MYEF2: variants seen among roughly 807,000 people sequenced by gnomAD.
MYEF2 encodes myelin expression factor 2.
In MYEF2, 37 loss-of-function variants were observed where a neutral mutation model predicts 75.2. The observed-to-expected ratio is 0.49, with a 90% CI of 0.38 to 0.65. MYEF2 has a LOEUF of 0.65. MYEF2 is among the 30% of genes least tolerant of loss of function. MYEF2 has a pLI of 0.00. For synonymous variants in MYEF2, 195 were observed against 241.6 expected, an observed-to-expected ratio of 0.81 and a Z score of 1.79; for missense variants, 634 against 771.4, an observed-to-expected ratio of 0.82 and a Z score of 2.11.
At chr15:48,153,165 T>C (rs1178833459) in intron 10 of MYEF2, 2 of 152,160 alleles carry the variant, frequency 1.3e-5, no homozygotes, top group African/African-American at 2.4e-5. Context: ...CTTTTTTGCA[T>C]TGAAAAATAG....
chr15:48,136,766 T>C lies in MYEF2; in HGVS notation c.*6142A>G, dbSNP rs574775672. The C allele has an allele frequency of 5.6e-6, 9 of 1,613,568 alleles. 1 individual carries two copies. The South Asian group carries it at 8.8e-5, about 16-fold the overall frequency. On this transcript the variant is annotated 3_prime_UTR_variant, in exon 17 of 17. Transcript: ENST00000324324. ...GACATTAAAATTAACCAATATATTATAAAGAAATGCAGTCCTTGCTGCGCC... is the reference window on the plus strand; with the variant it reads ...GACATTAAAATTAACCAATATATTACAAAGAAATGCAGTCCTTGCTGCGCC...
intron 14 of MYEF2, among the ~76,000 whole-genome samples, 191 bp downstream of exon 14, chr15:48,150,905 TCAAA>T (rs1316456668): frequency 6.6e-6 from 1 of 151,954 alleles, no homozygotes; most frequent in African/African-American, 2.4e-5. Flanking sequence ...AAAGTAAAAT[TCAAA>T]CAGTTAATTT....
chr15:48,151,037 C>T, intron 14 of MYEF2, 63 bp downstream of exon 14: 1 of 1,156,220 alleles, frequency 8.6e-7, no homozygotes, highest in East Asian at 2.4e-5. Context: ...GATAACTACT[C>T]TTGCAAAGTC....
At chr15:48,172,335 G>A (rs1006545211) in intron 1 of MYEF2, among the ~76,000 whole-genome samples, 1 of 151,332 alleles carries the variant, frequency 6.6e-6, no homozygotes, top group South Asian at 2.1e-4. Context: ...AGGAGGCAGA[G>A]GTTGCAGTGA....
Position 48,136,832 on chromosome 15 carries a change from T to C in MYEF2, c.*6076A>G. 1.2e-6 allele frequency: 2 copies of C among 1,613,860 alleles called. No individual in the cohort carries two copies. Among genetic ancestry groups the C allele is most frequent in the Non-Finnish European group, 1.7e-6 (2 of 1,179,824 alleles). ...ATGGAGAGAAGTGAACAACAGCCAC[T>C]GATGGGCTGGGAAGATGAAGGTCAA... On this transcript the variant is annotated 3_prime_UTR_variant, in exon 17 of 17. Transcript: ENST00000324324.
At position 48,163,261 on chromosome 15, in the gene MYEF2, T is replaced by C. The variant is rs564842937; in HGVS notation, c.525+2672A>G. 1.7e-4 allele frequency among the ~76,000 whole-genome samples: 26 copies of C among 152,308 alleles called. No homozygotes were observed. In the South Asian group the frequency reaches 3.3e-3, roughly 19 times the overall value. On this transcript the variant is annotated intron_variant, in intron 5 of 16. Transcript: ENST00000324324. The stretch of plus-strand genomic sequence containing the variant: ...TTGAACTATTAAGATACTTCACTTG[T>C]TTGTGCTTATAACATTTCAGTGGTC...
chr15:48,175,036 T>G (rs934458614), intron 1 of MYEF2, among the ~76,000 whole-genome samples: 2 of 152,118 alleles, frequency 1.3e-5, no homozygotes, highest in African/African-American at 4.8e-5. Context: ...AACAACGACT[T>G]AAGTGTCCAT....
chr15:48,173,176 G>A lies in MYEF2; in HGVS notation c.162-4337C>T, dbSNP rs552292224. Among the ~76,000 whole-genome samples, 12 of 152,176 alleles carry A rather than the reference G, an allele frequency of 7.9e-5. 1 individual carries two copies. The highest frequency in any genetic ancestry group is 2.1e-4 in the South Asian group (1 of 4,826). On this transcript the variant is annotated intron_variant, in intron 1 of 16. Transcript: ENST00000324324. ...ATCAAATGGTATCTATATCAGGGAC[G>A]CAAGGATGACATACATAAATCAATA... is the stretch of plus-strand genomic sequence containing the variant.
In MYEF2 at chr15:48,135,551, G is replaced by T. The variant is rs900291327; in HGVS notation, c.*7357C>A. ...CTGGTCCAAGAAAATGAAAAAGGTG[G>T]TGACTGAGTGGACAGATACTAACTT... On this transcript the variant is annotated 3_prime_UTR_variant, in exon 17 of 17. Coordinates refer to ENST00000324324, the MANE Select transcript of MYEF2 (RefSeq NM_016132.5). 1 of 152,448 alleles carries T rather than the reference G, an allele frequency of 6.6e-6. No homozygotes were observed. The highest frequency in any genetic ancestry group is 1.5e-5 in the Non-Finnish European group (1 of 68,288). The allele number at this position is 152,448 out of a possible 1,614,324, so 9.4% of individuals were successfully genotyped here.
chr15:48,178,192 C>T lies in MYEF2; in HGVS notation c.46G>A (p.Asp16Asn). The T allele has an allele frequency of 1.3e-6, 2 of 1,517,754 alleles. No homozygotes were observed. The highest frequency in any genetic ancestry group is 1.8e-6 in the Non-Finnish European group (2 of 1,133,854). The allele number at this position is 1,517,754 out of a possible 1,614,324, so 94.0% of individuals were successfully genotyped here. A position where few individuals can be genotyped will look rare whatever the true frequency, so the allele number is the denominator to read the frequency against. Residue 16 changes from aspartate (D) to asparagine (N), a missense_variant, in exon 1 of 17, where the codon GAC becomes AAC. By Grantham distance (23) the Asp-to-Asn change is conservative. Transcript: ENST00000324324. ...KAEVPGATGG[D>N]SPHLQPAEPP... is the part of the protein sequence containing the mutation. ...TCTGCGGGCTGCAGGTGCGGGCTGT[C>T]GCCACCAGTGGCCCCGGGCACCTCG...
At chr15:48,150,156 A>G (rs1040399569) in intron 14 of MYEF2, among the ~76,000 whole-genome samples, 2 of 152,034 alleles carry the variant, frequency 1.3e-5, no homozygotes, top group African/African-American at 4.8e-5. Flanking sequence ...ATCCCCAAAC[A>G]TGGAAATTCT....
intron 3 of MYEF2, 95 bp from the exon 4 acceptor site, chr15:48,166,223 A>C: frequency 1.0e-6 from 1 of 1,003,898 alleles, no homozygotes. Context: ...TCAATCATTA[A>C]GGCAATTAAT....
chr15:48,152,000 G>A (rs1377888799), intron 11 of MYEF2, 58 bp from the exon 12 acceptor site: 21 of 1,542,674 alleles, frequency 1.4e-5, no homozygotes, highest in South Asian at 3.3e-5. Flanking sequence ...TGAAAGGTAC[G>A]TTTTGTAAAT....
chr15:48,134,925 A>G lies in MYEF2; in HGVS notation c.*7983T>C, dbSNP rs1567224864. On this transcript the variant is annotated 3_prime_UTR_variant, in exon 17 of 17. Transcript: ENST00000324324. ...GTTGGCCCCTATTCAGAGACTGTGCAGCGTACACAATTAGTGCAGCAGCAG... is the reference window on the plus strand; with the variant it reads ...GTTGGCCCCTATTCAGAGACTGTGCGGCGTACACAATTAGTGCAGCAGCAG... 7 of 1,612,676 alleles carry G rather than the reference A, an allele frequency of 4.3e-6. No homozygotes were observed. Among genetic ancestry groups the G allele is most frequent in the African/African-American group, 1.3e-5 (1 of 75,002 alleles).
intron 1 of MYEF2, among the ~76,000 whole-genome samples, chr15:48,172,207 C>T (rs1211873714): frequency 6.6e-6 from 1 of 152,092 alleles, no homozygotes; most frequent in East Asian, 1.9e-4. Flanking sequence ...CGAGATGAAC[C>T]TGGCCAACAT....
Position 48,136,889 on chromosome 15 carries a change from G to A in MYEF2, c.*6019C>T. The A allele has an allele frequency of 6.2e-7, 1 of 1,613,858 alleles. No homozygotes were observed. The highest frequency in any genetic ancestry group is 1.1e-5 in the South Asian group (1 of 91,060). On this transcript the variant is annotated 3_prime_UTR_variant, in exon 17 of 17. Coordinates refer to ENST00000324324, the MANE Select transcript of MYEF2 (RefSeq NM_016132.5). Reference sequence around the variant, plus strand: ...ATTCGTCGGCAATCAAGAACTGATAGTGGAATATTTTATGAAGATTCTGGC... The same window carrying A: ...ATTCGTCGGCAATCAAGAACTGATAATGGAATATTTTATGAAGATTCTGGC...
Position 48,139,666 on chromosome 15 carries a change from G to C in MYEF2, c.*3242C>G, listed in dbSNP as rs2039000810. The C allele has an allele frequency of 6.6e-6, 1 of 152,226 alleles. No homozygotes were observed. The highest frequency in any genetic ancestry group is 2.4e-5 in the African/African-American group (1 of 41,368). The allele number at this position is 152,226 out of a possible 1,614,324, so 9.4% of individuals were successfully genotyped here. On this transcript the variant is annotated 3_prime_UTR_variant, in exon 17 of 17. Transcript: ENST00000324324. ...AACATATTATGAAATGAGTGAAAAGGGCATAATAATTTTATTCTAGGTTTC... is the reference window on the plus strand; with the variant it reads ...AACATATTATGAAATGAGTGAAAAGCGCATAATAATTTTATTCTAGGTTTC...
At position 48,149,192 on chromosome 15, in the gene MYEF2, A is replaced by T. The variant is rs767323634; in HGVS notation, c.1558T>A (p.Ser520Thr). 1 of 1,613,376 alleles carries T rather than the reference A, an allele frequency of 6.2e-7. No homozygotes were observed. The highest frequency in any genetic ancestry group is 1.1e-5 in the South Asian group (1 of 91,064). The stretch of plus-strand genomic sequence containing the variant: ...CTGACAAATATCTGGTTGCCTTTGG[A>T]GCCTATTCTCTCTCTCATTCCGCTT... The part of the protein sequence containing the change: ...MGSGMRERIG[S>T]KGNQIFVRNL... The change falls in exon 15 of 17, where the codon TCC becomes ACC. Residue 520 changes from serine to threonine, a missense_variant. Coordinates refer to ENST00000324324, the MANE Select transcript of MYEF2 (RefSeq NM_016132.5). The surrounding 1 kb of genome is among the most constrained non-coding windows in gnomAD (Gnocchi z 4.0).
chr15:48,146,772 G>C (rs2039300282), intron 16 of MYEF2, among the ~76,000 whole-genome samples: 1 of 151,978 alleles, frequency 6.6e-6, no homozygotes, highest in African/African-American at 2.4e-5. Flanking sequence ...CTGGCTTGCA[G>C]CATGTTAAAA....
Sources: allele counts gnomAD v4.1 joint callset (sites outside exome capture counted in the v4.1 genomes callset), GRCh38; gene constraint gnomAD v4.1.1; non-coding constraint Gnocchi (gnomAD v3.1); transcripts MANE v1.5; gene names NCBI Gene and HGNC (gene_info 2026-07-23, HGNC 2026-07-21).